The following DLGAP4 variants were observed in gnomAD, a reference collection of about 807,000 sequenced individuals.
DLGAP4 encodes DLG associated protein 4.
Under a neutral mutation model 86.9 loss-of-function variants are expected in DLGAP4, and 18 were observed. The observed-to-expected ratio is 0.21, with a 90% CI of 0.14 to 0.31. The LOEUF (loss-of-function observed/expected upper bound fraction) is 0.31, where lower values mean the gene tolerates loss of function less well. Ranked by LOEUF, DLGAP4 falls within the 10% of genes least tolerant of loss-of-function variation. DLGAP4 has a pLI of 1.00. For missense variants in DLGAP4, 1,085 were observed against 1,362.6 expected (o/e 0.80, Z 3.21); for synonymous variants, 548 against 574.3 (o/e 0.95, Z 0.65).
At chr20:36,372,419 G>A (rs1036708153) in intron 2 of DLGAP4, among the ~76,000 whole-genome samples, 2 of 151,734 alleles carry the variant, frequency 1.3e-5, no homozygotes, top group Non-Finnish European at 2.9e-5. Flanking sequence ...CCCACACCCC[G>A]CCTCTCTCCC....
Position 36,393,074 on chromosome 20 carries a change from G to A in DLGAP4, c.-73+25799G>A, listed in dbSNP as rs1437851007. On this transcript the variant is annotated intron_variant, in intron 2 of 12. Coordinates refer to ENST00000339266, the MANE Select transcript of DLGAP4 (RefSeq NM_001365621.2). The surrounding 1 kb of genome is among the most constrained non-coding windows in gnomAD (Gnocchi z 4.4). ...TGGGGGCGGGGGAATGGGTGGGGTA[G>A]GAATGTTCAGGAAGGAATCATGTGG... is the stretch of plus-strand genomic sequence containing the variant. 6.6e-6 allele frequency among the ~76,000 whole-genome samples: 1 copy of A among 152,132 alleles called. No homozygotes were observed. The highest frequency in any genetic ancestry group is 1.5e-5 in the Non-Finnish European group (1 of 68,024).
intron 7 of DLGAP4, among the ~76,000 whole-genome samples, chr20:36,482,664 T>TTTTTTG (rs544322098): frequency 3.3e-5 from 5 of 152,112 alleles, no homozygotes; most frequent in African/African-American, 7.2e-5. Context: ...CGTGGGTTGT[T>TTTTTTG]TTTTTGTTTT....
rs1340695912 is a variant in DLGAP4, at chr20:36,350,605, T to C, written c.-303-16440T>C. 6.6e-6 allele frequency among the ~76,000 whole-genome samples: 1 copy of C among 152,228 alleles called. No individual in the cohort carries two copies. The highest frequency in any genetic ancestry group is 1.5e-5 in the Non-Finnish European group (1 of 68,034). On this transcript the variant is annotated intron_variant, in intron 1 of 12. Coordinates refer to ENST00000339266, the MANE Select transcript of DLGAP4 (RefSeq NM_001365621.2). The surrounding 1 kb of genome is among the most constrained non-coding windows in gnomAD (Gnocchi z 4.4). ...CAATGGCTGACAAGGGCATGCCCTC[T>C]GTACCAGGGCAGCAGGTGGGGAAGG...
intron 1 of DLGAP4, among the ~76,000 whole-genome samples, chr20:36,314,158 C>T (rs1039892343): frequency 1.3e-5 from 2 of 151,630 alleles, no homozygotes; most frequent in East Asian, 2.0e-4. Context: ...CGTGCAGAGG[C>T]GGGTGGCTCT....
At position 36,373,834 on chromosome 20, in the gene DLGAP4, C is replaced by G. The variant is rs116875827; in HGVS notation, c.-73+6559C>G. ...GATCACCTGAGGTCAGACAGGAGTT[C>G]AAGACCAGCCTGGCCAACATGGGGA... On this transcript the variant is annotated intron_variant, in intron 2 of 12. Coordinates refer to ENST00000339266, the MANE Select transcript of DLGAP4 (RefSeq NM_001365621.2). 7.2e-5 allele frequency among the ~76,000 whole-genome samples: 11 copies of G among 152,192 alleles called. No homozygotes were observed. In the East Asian group the frequency reaches 2.1e-3, roughly 29 times the overall value.
rs2037841110 is a variant in DLGAP4 at position 36,527,482 on chromosome 20, A to G, written c.*451A>G. 1.3e-5 allele frequency: 2 copies of G among 154,274 alleles called. No individual in the cohort carries two copies. Among genetic ancestry groups the G allele is most frequent in the Admixed American group, 6.5e-5 (1 of 15,480 alleles). 9.6% of individuals were successfully genotyped at this position (154,274 alleles called of 1,614,324 possible). On this transcript the variant is annotated 3_prime_UTR_variant, in exon 13 of 13. Transcript: ENST00000339266. ...CGCTCTGACCTTGATTTTCATTCTT[A>G]TGTTTTTCTCTTTTCCCTTCAGAGC... is the stretch of plus-strand genomic sequence containing the variant.
Position 36,393,016 on chromosome 20 carries a change from G to A in DLGAP4, c.-73+25741G>A, listed in dbSNP as rs923744227. On this transcript the variant is annotated intron_variant, in intron 2 of 12. Transcript: ENST00000339266. This position sits in a 1 kb window ranked among gnomAD's most constrained non-coding sequence, Gnocchi z 4.4. ...GTACGCCCTGAGGCAGGAAACAGGA[G>A]GCCAGTTGGGCTGAGGACTGGGAAA... is the stretch of plus-strand genomic sequence containing the variant. 7.2e-5 allele frequency among the ~76,000 whole-genome samples: 11 copies of A among 152,080 alleles called. No individual in the cohort carries two copies. Among genetic ancestry groups the A allele is most frequent in the African/African-American group, 2.7e-4 (11 of 41,396 alleles).
chr20:36,331,754 G>T (rs2065270621), intron 1 of DLGAP4, among the ~76,000 whole-genome samples: 1 of 152,192 alleles, frequency 6.6e-6, no homozygotes, highest in African/African-American at 2.4e-5. Context: ...TAAAATAATT[G>T]CTGCTAGTAT....
rs1191466666 is a variant in DLGAP4, at chr20:36,432,519, C to T, written c.802C>T (p.Pro268Ser). Residue 268 changes from proline to serine, a missense_variant, in exon 3 of 13, where the codon CCA (proline) becomes TCA (serine). Transcript: ENST00000339266. This position sits in a 1 kb window ranked among gnomAD's most constrained non-coding sequence, Gnocchi z 6.5. Reference protein sequence around the residue: ...KNNTTELTAPPPPPAPPATCP... With the variant: ...KNNTTELTAPSPPPAPPATCP... Reference sequence around the variant, plus strand: ...CAACACTACTGAGCTGACTGCCCCACCACCCCCGCCCGCACCCCCAGCCAC... The same window carrying T: ...CAACACTACTGAGCTGACTGCCCCATCACCCCCGCCCGCACCCCCAGCCAC... The T allele has an allele frequency of 1.2e-6, 2 of 1,611,322 alleles. No homozygotes were observed. Among genetic ancestry groups the T allele is most frequent in the Non-Finnish European group, 1.7e-6 (2 of 1,179,312 alleles).
chr20:36,327,902 G>A (rs1453191329), intron 1 of DLGAP4, among the ~76,000 whole-genome samples: 1 of 147,442 alleles, frequency 6.8e-6, no homozygotes, highest in Non-Finnish European at 1.5e-5. Context: ...GAATTATCTG[G>A]TTAAATTCTA....
chr20:36,503,946 AT>A (rs1569521717), intron 10 of DLGAP4, among the ~76,000 whole-genome samples: 1 of 152,122 alleles, frequency 6.6e-6, no homozygotes, highest in Non-Finnish European at 1.5e-5. Context: ...GTTGATGGAC[AT>A]TTGGGTTGTT....
intron 1 of DLGAP4, among the ~76,000 whole-genome samples, chr20:36,341,810 C>A (rs145614419): frequency 6.6e-6 from 1 of 152,202 alleles, no homozygotes. Context: ...GCGGGCCTGT[C>A]GTCCCAGCTT....
chr20:36,418,111 A>G (rs4303770), intron 2 of DLGAP4, among the ~76,000 whole-genome samples: 126,789 of 151,562 alleles, frequency 0.84, 53,308 homozygotes, highest in East Asian at 1. Context: ...GTGTGCGCGC[A>G]TATGTGTGTG....
intron 1 of DLGAP4, among the ~76,000 whole-genome samples, chr20:36,336,480 A>G (rs1454963020): frequency 1.3e-5 from 2 of 152,072 alleles, no homozygotes; most frequent in Non-Finnish European, 2.9e-5. Context: ...ACACCCTGAC[A>G]TGTTGTACAT....
chr20:36,379,581 A>T (rs2031296163), intron 2 of DLGAP4, among the ~76,000 whole-genome samples: 1 of 152,184 alleles, frequency 6.6e-6, no homozygotes, highest in South Asian at 2.1e-4. Context: ...ACTTAGACCC[A>T]GACCTCAGGG....
At chr20:36,492,622 T>C (rs901749330) in intron 7 of DLGAP4, 3 of 152,264 alleles carry the variant, frequency 2.0e-5, no homozygotes, top group Non-Finnish European at 4.4e-5. Flanking sequence ...ACCTCGTGAA[T>C]GCTGCATGCA....
intron 2 of DLGAP4, among the ~76,000 whole-genome samples, chr20:36,414,107 C>A (rs1426847136): frequency 2.6e-5 from 4 of 152,198 alleles, no homozygotes; most frequent in African/African-American, 9.7e-5. Context: ...TAATCATCTC[C>A]AGTTTCAAAT....
chr20:36,345,030 G>A (rs1707530951), intron 1 of DLGAP4, among the ~76,000 whole-genome samples: 1 of 152,178 alleles, frequency 6.6e-6, no homozygotes, highest in Non-Finnish European at 1.5e-5. Context: ...CTTGGGCTTG[G>A]GAAGCTCAGG....
chr20:36,426,409 G>A (rs7274565), intron 2 of DLGAP4, among the ~76,000 whole-genome samples: 2,341 of 152,188 alleles, frequency 0.015, 64 homozygotes, highest in African/African-American at 0.053. Flanking sequence ...CAGCTACTTG[G>A]GAGGCTGAGG....
Sources: allele counts gnomAD v4.1 joint callset (sites outside exome capture counted in the v4.1 genomes callset), GRCh38; gene constraint gnomAD v4.1.1; non-coding constraint Gnocchi (gnomAD v3.1); transcripts MANE v1.5; gene names NCBI Gene and HGNC (gene_info 2026-07-23, HGNC 2026-07-21).